The following ANO3 variants were observed in gnomAD, a reference collection of about 807,000 sequenced individuals.
ANO3 encodes anoctamin 3.
Under a neutral mutation model 144.8 loss-of-function variants are expected in ANO3, and 99 were observed. The observed-to-expected ratio is 0.68, with a 90% confidence interval of 0.58 to 0.81. The LOEUF is 0.81. Among genes scored for constraint, ANO3 ranks in the 30% least tolerant of loss-of-function variants. ANO3 has a pLI of 0.00. For synonymous variants in ANO3, 414 were observed against 392.6 expected, an observed-to-expected ratio of 1.05 and a Z score of -0.64; for missense variants, 905 against 1,202.2, an observed-to-expected ratio of 0.75 and a Z score of 3.66.
chr11:26,196,728 C>T (rs934590144), intron 1 of ANO3, among the ~76,000 whole-genome samples: 2 of 152,052 alleles, frequency 1.3e-5, no homozygotes, highest in Non-Finnish European at 2.9e-5. Flanking sequence ...CAAAATAGAG[C>T]TTTATTAACT....
upstream of ANO3, among the ~76,000 whole-genome samples, chr11:26,306,656 C>A (rs1025189299): frequency 2.0e-5 from 3 of 152,046 alleles, no homozygotes; most frequent in African/African-American, 7.2e-5. Context: ...AGAGTGAGAT[C>A]CTGTCTCTAA....
At chr11:26,376,801 A>G (rs1325530536) in intron 1 of ANO3, among the ~76,000 whole-genome samples, 3 of 152,194 alleles carry the variant, frequency 2.0e-5, no homozygotes, top group Middle Eastern at 3.2e-3. Context: ...TAGTTAATAG[A>G]TAATGATAGG....
chr11:26,658,715 C>T (rs1057219267), intron 26 of ANO3, among the ~76,000 whole-genome samples: 1 of 152,148 alleles, frequency 6.6e-6, no homozygotes, highest in Non-Finnish European at 1.5e-5. Context: ...ACCCTTGAGG[C>T]ACATTCCTGG....
chr11:26,365,193 A>T (rs1856033755), intron 1 of ANO3, among the ~76,000 whole-genome samples: 2 of 152,226 alleles, frequency 1.3e-5, no homozygotes, highest in Non-Finnish European at 2.9e-5. Flanking sequence ...CATGTGTCAC[A>T]TCTAAGGCAT....
chr11:26,363,528 C>A (rs572306572), intron 1 of ANO3, among the ~76,000 whole-genome samples: 1 of 152,128 alleles, frequency 6.6e-6, no homozygotes, highest in Non-Finnish European at 1.5e-5. Context: ...ATCAGGACAC[C>A]AGTCATGCTG....
intron 10 of ANO3, among the ~76,000 whole-genome samples, chr11:26,539,937 A>G (rs1190284011): frequency 6.6e-6 from 1 of 152,158 alleles, no homozygotes; most frequent in Non-Finnish European, 1.5e-5. Flanking sequence ...TTTCATAAAG[A>G]TAGAGCCATA....
chr11:26,387,130 ATTTTTTT>A (rs372622053), intron 1 of ANO3, among the ~76,000 whole-genome samples: 28,497 of 128,396 alleles, frequency 0.22, 2,972 homozygotes, highest in South Asian at 0.34. Context: ...CAAATGTAGT[ATTTTTTT>A]TTTTTTTTTT....
In ANO3 at chr11:26,294,036, A is replaced by G. The variant is rs979628468; in HGVS notation, c.155-15609A>G. 2.0e-5 allele frequency among the ~76,000 whole-genome samples: 3 copies of G among 152,248 alleles called. No individual in the cohort carries two copies. In the East Asian group the frequency reaches 5.8e-4, roughly 30 times the overall value. On this transcript the variant is annotated intron_variant, in intron 1 of 27. Coordinates refer to the ANO3 transcript ENST00000672621. ...CGTGTTTGGTGGAAGAGTCCACAGG[A>G]AGATGGTCTGTTTGGAGAGCTGCAG...
At chr11:26,311,895 A>G (rs971858478) in intron 1 of ANO3, among the ~76,000 whole-genome samples, 11 of 152,288 alleles carry the variant, frequency 7.2e-5, no homozygotes, top group African/African-American at 2.4e-4. Flanking sequence ...ACATGTGCAC[A>G]ATGTGCAGGT....
At position 26,276,813 on chromosome 11, in the gene ANO3, C is replaced by T. The variant is rs574893607; in HGVS notation, c.155-32832C>T. Among the ~76,000 whole-genome samples the T allele has an allele frequency of 3.3e-5, 5 of 152,200 alleles. No individual in the cohort carries two copies. In the South Asian group the frequency reaches 8.3e-4, roughly 25 times the overall value. On this transcript the variant is annotated intron_variant, in intron 1 of 27. Coordinates refer to the ANO3 transcript ENST00000672621. ...TCCTTCACCTCTCTGGTTTTCATTA[C>T]TTTTGGGCTTTGATGGGTATAATTG...
chr11:26,382,894 C>G (rs1031258333), intron 1 of ANO3, among the ~76,000 whole-genome samples: 1 of 152,052 alleles, frequency 6.6e-6, no homozygotes, highest in Non-Finnish European at 1.5e-5. Context: ...AATTGTTTTC[C>G]TACAGTTACA....
chr11:26,289,628 GTA>G (rs1441433931), intron 1 of ANO3, among the ~76,000 whole-genome samples: 1 of 67,090 alleles, frequency 1.5e-5, no homozygotes, highest in Non-Finnish European at 2.6e-5. Flanking sequence ...CTATATGTGT[GTA>G]TATGTACATA....
At position 26,379,012 on chromosome 11, in the gene ANO3, G is replaced by C. The variant is rs1856502029; in HGVS notation, c.46+46691G>C. The stretch of plus-strand genomic sequence containing the variant: ...AAAACATAATGATAGGCAACACAGA[G>C]AAGGAAACAGTATAGCATTATGAAA... On this transcript the variant is annotated intron_variant, in intron 1 of 26. Coordinates refer to ENST00000256737, the MANE Select transcript of ANO3 (RefSeq NM_031418.4). Among the ~76,000 whole-genome samples, 3 of 140,588 alleles carry C rather than the reference G, an allele frequency of 2.1e-5. No homozygotes were observed. In the Admixed American group the frequency reaches 2.1e-4, roughly 10 times the overall value. The allele number at this position is 140,588 out of a possible 152,430, so 92.2% of individuals were successfully genotyped here.
intron 3 of ANO3, among the ~76,000 whole-genome samples, chr11:26,445,022 C>T (rs1858653521): frequency 6.6e-6 from 1 of 152,052 alleles, no homozygotes; most frequent in Non-Finnish European, 1.5e-5. Flanking sequence ...GAAATTTTAT[C>T]CAAAATTCTT....
intron 7 of ANO3, among the ~76,000 whole-genome samples, chr11:26,527,976 G>A (rs1387499227): frequency 2.6e-5 from 4 of 152,050 alleles, no homozygotes; most frequent in African/African-American, 9.7e-5. Flanking sequence ...CTTTAATCCA[G>A]ACTTATTTTC....
chr11:26,445,661 T>C (rs1181366980), intron 3 of ANO3, among the ~76,000 whole-genome samples: 3 of 152,200 alleles, frequency 2.0e-5, no homozygotes, highest in East Asian at 3.9e-4. Flanking sequence ...TTAAAATACA[T>C]ACAAATGATG....
intron 3 of ANO3, among the ~76,000 whole-genome samples, chr11:26,457,544 G>T (rs1171620672): frequency 6.6e-6 from 1 of 151,996 alleles, no homozygotes; most frequent in African/African-American, 2.4e-5. Context: ...ATATTTATGT[G>T]TTTGAGTAAC....
intron 17 of ANO3, among the ~76,000 whole-genome samples, chr11:26,611,765 T>A (rs944329227): frequency 3.9e-5 from 6 of 152,178 alleles, no homozygotes; most frequent in African/African-American, 1.4e-4. Flanking sequence ...TCTGATAATA[T>A]TTGCTGTACA....
At chr11:26,641,224 T>G (rs1853140845) in intron 21 of ANO3, among the ~76,000 whole-genome samples, 1 of 152,204 alleles carries the variant, frequency 6.6e-6, no homozygotes, top group African/African-American at 2.4e-5. Context: ...GGACACAGAC[T>G]TATTGCCTAG....
Sources: allele counts gnomAD v4.1 joint callset (sites outside exome capture counted in the v4.1 genomes callset), GRCh38; gene constraint gnomAD v4.1.1; transcripts MANE v1.5; gene names NCBI Gene and HGNC (gene_info 2026-07-23, HGNC 2026-07-21).